The following TATDN1 variants were observed in gnomAD, a reference collection of about 807,000 sequenced individuals.
TATDN1 encodes deoxyribonuclease TATDN1.
TATDN1 carries 40 observed loss-of-function variants against 46.4 expected under a neutral mutation model. The observed-to-expected ratio is 0.86, with a 90% CI of 0.67 to 1.12. The LOEUF (loss-of-function observed/expected upper bound fraction) is 1.12. Among genes scored for constraint, TATDN1 ranks in the 50% most tolerant of loss-of-function variants. The pLI is 0.00. For missense variants in TATDN1, 326 were observed against 348.4 expected (o/e 0.94, Z 0.51); for synonymous variants, 95 against 105.6 (o/e 0.90, Z 0.62).
At chr8:124,503,622 C>T (rs1276105941) in intron 9 of TATDN1, among the ~76,000 whole-genome samples, 1 of 152,134 alleles carries the variant, frequency 6.6e-6, no homozygotes, top group African/African-American at 2.4e-5. Context: ...AGGACAGAAA[C>T]TCCTATACTA....
chr8:124,514,998 C>T (rs1030426819), intron 6 of TATDN1, among the ~76,000 whole-genome samples: 2 of 152,102 alleles, frequency 1.3e-5, no homozygotes, highest in Non-Finnish European at 2.9e-5. Context: ...TTATGTTGCT[C>T]AGGCTGGTCT....
chr8:124,495,574 G>A (rs1344805009), intron 9 of TATDN1, 32 bp from the exon 10 acceptor site: 1 of 1,533,864 alleles, frequency 6.5e-7, no homozygotes, highest in Non-Finnish European at 8.9e-7. Context: ...ATTTTAAAAG[G>A]CAGCAATTAA....
intron 9 of TATDN1, among the ~76,000 whole-genome samples, chr8:124,496,792 A>G (rs1176810909): frequency 6.6e-6 from 1 of 152,194 alleles, no homozygotes; most frequent in Non-Finnish European, 1.5e-5. Context: ...TTTAAGATAC[A>G]CATTAAATTA....
chr8:124,494,114 A>T (rs757081832), intron 10 of TATDN1, 155 bp from the exon 11 acceptor site: 18 of 665,822 alleles, frequency 2.7e-5, no homozygotes, highest in Non-Finnish European at 3.7e-5. Context: ...GAAAAGCACA[A>T]GATAAAATCT....
chr8:124,536,859 T>C (rs1821466619), intron 1 of TATDN1, among the ~76,000 whole-genome samples: 1 of 152,092 alleles, frequency 6.6e-6, no homozygotes, highest in Non-Finnish European at 1.5e-5. Flanking sequence ...GTAAGTCATA[T>C]ACCAAGGATA....
intron 9 of TATDN1, 87 bp from the exon 10 acceptor site, chr8:124,495,629 A>G: frequency 6.9e-6 from 7 of 1,014,146 alleles, no homozygotes; most frequent in Non-Finnish European, 8.7e-6. Flanking sequence ...ATGCTACAAA[A>G]CCAACCCAAA....
chr8:124,492,496 G>GTGTGC (rs1255280085), intron 11 of TATDN1, among the ~76,000 whole-genome samples: 1 of 152,040 alleles, frequency 6.6e-6, no homozygotes, highest in Admixed American at 6.5e-5. Flanking sequence ...AATTGGCTGG[G>GTGTGC]TGTGGTAGCT....
intron 1 of TATDN1, among the ~76,000 whole-genome samples, chr8:124,536,100 A>C (rs1221297849): frequency 6.6e-6 from 1 of 152,142 alleles, no homozygotes; most frequent in Non-Finnish European, 1.5e-5. Context: ...GATATTTCTC[A>C]TTTTTTGGTG....
At chr8:124,493,732 T>C in intron 11 of TATDN1, 101 bp downstream of exon 11, 1 of 1,430,644 alleles carries the variant, frequency 7.0e-7, no homozygotes, top group Non-Finnish European at 9.3e-7. Context: ...GAACTTCACT[T>C]GGATTTTGCA....
intron 1 of TATDN1, among the ~76,000 whole-genome samples, chr8:124,530,099 A>C (rs149377893): frequency 1.7e-3 from 254 of 151,920 alleles, no homozygotes; most frequent in African/African-American, 3.4e-3. Context: ...TCAAAAAAAA[A>C]CCATAAAAAA....
chr8:124,497,525 G>A (rs1337692817), intron 9 of TATDN1, among the ~76,000 whole-genome samples: 6 of 152,076 alleles, frequency 3.9e-5, no homozygotes, highest in Non-Finnish European at 7.4e-5. Flanking sequence ...TACCTCAGGC[G>A]ATCCACCTGC....
At chr8:124,494,056 A>G in intron 10 of TATDN1, 97 bp from the exon 11 acceptor site, 1 of 1,215,692 alleles carries the variant, frequency 8.2e-7, no homozygotes, top group Non-Finnish European at 1.1e-6. Flanking sequence ...ATAAACCGTG[A>G]TTCAGCTTCC....
At chr8:124,518,710 A>T (rs539819694) in intron 4 of TATDN1, 108 bp downstream of exon 4, 23 of 772,500 alleles carry the variant, frequency 3.0e-5, no homozygotes, top group Non-Finnish European at 2.2e-5. Flanking sequence ...CCATTTTCCT[A>T]TTGTTTCCAG....
intron 11 of TATDN1, chr8:124,489,100 TG>T (rs1469919911): frequency 2.2e-5 from 4 of 180,088 alleles, no homozygotes; most frequent in African/African-American, 9.6e-5. Context: ...TTCCATTTTT[TG>T]TTAGGTTTTA....
intron 6 of TATDN1, among the ~76,000 whole-genome samples, chr8:124,512,828 A>G (rs1819140176): frequency 6.6e-6 from 1 of 152,188 alleles, no homozygotes; most frequent in Non-Finnish European, 1.5e-5. Context: ...GCATGCTGTG[A>G]GTATATGCGA....
intron 11 of TATDN1, among the ~76,000 whole-genome samples, chr8:124,493,505 G>A (rs1460468126): frequency 6.6e-6 from 1 of 152,122 alleles, no homozygotes; most frequent in East Asian, 1.9e-4. Context: ...AGGAAAAAAG[G>A]GGTTTGTCCT....
chr8:124,526,171 C>T (rs908208435), intron 1 of TATDN1, among the ~76,000 whole-genome samples: 2 of 152,206 alleles, frequency 1.3e-5, no homozygotes, highest in African/African-American at 4.8e-5. Context: ...TTTGTAACCG[C>T]GCCCCACCTT....
chr8:124,489,770 TTATA>T (rs1222554735), intron 11 of TATDN1: 1 of 152,206 alleles, frequency 6.6e-6, no homozygotes, highest in Non-Finnish European at 1.5e-5. Flanking sequence ...TCCATACTTA[TTATA>T]TATAAGTGGA....
chr8:124,510,766 G>T lies in TATDN1; in HGVS notation c.390-2078C>A, dbSNP rs78085578. 2.4e-4 allele frequency among the ~76,000 whole-genome samples: 36 copies of T among 150,354 alleles called. No homozygotes were observed. In the East Asian group the frequency reaches 5.3e-3, roughly 22 times the overall value. ...TGAGCCTGGCGAGGTCAAGGCTGCG[G>T]TGAGCCATGATCACACCACTGCACT... On this transcript the variant is annotated intron_variant, in intron 6 of 11. Transcript: ENST00000276692.
Sources: gnomAD v4.1 joint callset for allele counts (sites outside exome capture counted in the v4.1 genomes callset) on GRCh38, gnomAD v4.1.1 for gene constraint, MANE v1.5 for transcripts, NCBI Gene and HGNC (gene_info 2026-07-23, HGNC 2026-07-21) for gene names.